Variants in SIDT1 observed in about 807,000 individuals in gnomAD.
The protein encoded by SIDT1 is SID1 transmembrane family, member 1.
A neutral mutation model predicts 107.5 loss-of-function variants in SIDT1; 101 were observed. That is an observed-to-expected ratio of 0.94 (90% CI 0.80 to 1.11). The LOEUF (loss-of-function observed/expected upper bound fraction) is 1.11, where lower values mean the gene tolerates loss of function less well. Ranked by LOEUF, SIDT1 falls within the 50% of genes least tolerant of loss-of-function variation. The probability of loss-of-function intolerance (pLI) is 0.00; values close to 1 mark genes in which losing one functional copy is unlikely to be tolerated. For synonymous variants in SIDT1, 395 were observed against 398.2 expected (o/e 0.99, Z 0.10); for missense variants, 1,076 against 1,058.2 (o/e 1.02, Z -0.23).
At chr3:113,577,057 C>G in intron 4 of SIDT1, 90 bp downstream of exon 4, 4 of 1,246,174 alleles carry the variant, frequency 3.2e-6, no homozygotes, top group Non-Finnish European at 4.7e-6. Context: ...GTAGAGTTAG[C>G]GTGTGGTGTT....
chr3:113,623,461 T>A lies in SIDT1; in HGVS notation c.2125T>A (p.Phe709Ile), dbSNP rs762485929. ...TGGATTGATATACCGCCCCAGGGAC[T>A]TTGCTTCCTACATGCTGGGCATCTT... ...LFGLIYRPRD[F>I]ASYMLGIFIC... Residue 709 changes from phenylalanine (F) to isoleucine (I), a missense_variant, in exon 22 of 25, where the codon TTT (phenylalanine) becomes ATT (isoleucine). Phe to Ile is a conservative substitution (Grantham distance 21, BLOSUM62 0). Transcript: ENST00000264852. 3.7e-6 allele frequency: 6 copies of A among 1,614,130 alleles called. No individual in the cohort carries two copies. Among genetic ancestry groups the A allele is most frequent in the Non-Finnish European group, 5.1e-6 (6 of 1,179,970 alleles).
chr3:113,595,105 T>C (rs1944445855), intron 10 of SIDT1, among the ~76,000 whole-genome samples: 1 of 152,218 alleles, frequency 6.6e-6, no homozygotes, highest in African/African-American at 2.4e-5. Context: ...ACTTTCAGAA[T>C]TAAGATTAGG....
At chr3:113,597,151 C>T (rs1944618248) in intron 10 of SIDT1, among the ~76,000 whole-genome samples, 1 of 152,100 alleles carries the variant, frequency 6.6e-6, no homozygotes, top group African/African-American at 2.4e-5. Flanking sequence ...TTTTCTTCAA[C>T]TATTGAAACA....
At chr3:113,594,873 G>T (rs1944427658) in intron 10 of SIDT1, 1 of 154,312 alleles carries the variant, frequency 6.5e-6, no homozygotes, top group African/African-American at 2.4e-5. Flanking sequence ...GAGTCCAGTG[G>T]CTCTGGTCCA....
intron 4 of SIDT1, among the ~76,000 whole-genome samples, chr3:113,580,068 T>C (rs1368585181): frequency 6.6e-6 from 1 of 152,236 alleles, no homozygotes; most frequent in Non-Finnish European, 1.5e-5. Flanking sequence ...AATCTCTGTA[T>C]GTTCTCACTA....
chr3:113,631,012 C>T (rs1406333078), downstream of SIDT1, among the ~76,000 whole-genome samples: 1 of 152,144 alleles, frequency 6.6e-6, no homozygotes, highest in Admixed American at 6.5e-5. Flanking sequence ...TCTTCTCATC[C>T]CTACCCCCAT....
downstream of SIDT1, among the ~76,000 whole-genome samples, chr3:113,630,424 A>G (rs565702530): frequency 6.6e-6 from 1 of 152,168 alleles, no homozygotes; most frequent in Non-Finnish European, 1.5e-5. Context: ...TGGGGAAGGG[A>G]CTTTCCATGA....
intron 2 of SIDT1, 23 bp downstream of exon 2, chr3:113,566,564 A>G: frequency 6.2e-7 from 1 of 1,609,380 alleles, no homozygotes; most frequent in African/African-American, 1.3e-5. Context: ...TCTTCCAGGC[A>G]ACTTCACTAT....
At chr3:113,607,216 C>A in intron 15 of SIDT1, 102 bp downstream of exon 15, 1 of 744,622 alleles carries the variant, frequency 1.3e-6, no homozygotes, top group South Asian at 1.8e-5. Flanking sequence ...CTGTGGAAAA[C>A]GACCCTATTC....
At chr3:113,625,135 CT>C (rs1236287623) in intron 23 of SIDT1, among the ~76,000 whole-genome samples, 6 of 106,814 alleles carry the variant, frequency 5.6e-5, no homozygotes, top group African/African-American at 1.9e-4. Context: ...TTCTTTCTTT[CT>C]TTTTTTTGGG....
Position 113,612,094 on chromosome 3 carries a change from A to G in SIDT1, c.1866A>G (p.Gly622=). 6.2e-7 allele frequency: 1 copy of G among 1,613,318 alleles called. No homozygotes were observed. Among genetic ancestry groups the G allele is most frequent in the African/African-American group, 1.3e-5 (1 of 75,024 alleles). ...TCCATCTTTACTCCTAGGTGTTTGG[A>G]AAAAATGACGTATGGTTCTGGGTCA... The part of the protein sequence containing the change: ...IMVTVLGVVF[G]KNDVWFWVIF... The change falls in exon 19 of 25, where the codon GGA becomes GGG. Residue 622 remains glycine, a synonymous_variant. Coordinates refer to ENST00000264852, the MANE Select transcript of SIDT1 (RefSeq NM_017699.3).
At chr3:113,635,843 C>CTGGCA in the SIDT1 span, among the ~76,000 whole-genome samples, 1 of 150,348 alleles carries the variant, frequency 6.7e-6, no homozygotes, top group Non-Finnish European at 1.5e-5. Flanking sequence ...CCACTGCACC[C>CTGGCA]CAGCCTGGCA....
At chr3:113,614,794 A>G (rs1400698306) in intron 19 of SIDT1, among the ~76,000 whole-genome samples, 2 of 152,214 alleles carry the variant, frequency 1.3e-5, no homozygotes, top group African/African-American at 4.8e-5. Context: ...AGGCTGGATT[A>G]TAAATTGCAA....
At chr3:113,544,292 G>A (rs1208745110) in intron 1 of SIDT1, among the ~76,000 whole-genome samples, 4 of 152,074 alleles carry the variant, frequency 2.6e-5, no homozygotes. Flanking sequence ...CCAGGTTCAA[G>A]CTAGTCCCCT....
the SIDT1 span, among the ~76,000 whole-genome samples, chr3:113,635,728 G>C: frequency 6.6e-6 from 1 of 151,854 alleles, no homozygotes; most frequent in South Asian, 2.1e-4. Context: ...TTAGCCAGGC[G>C]TGGTGGCAGG....
intron 1 of SIDT1, among the ~76,000 whole-genome samples, chr3:113,535,752 C>A (rs1320212994): frequency 6.6e-6 from 1 of 152,174 alleles, no homozygotes; most frequent in African/African-American, 2.4e-5. Context: ...AATCTTACAG[C>A]CTTCTGGGAC....
chr3:113,584,960 A>G (rs1943633176), intron 8 of SIDT1, among the ~76,000 whole-genome samples, 191 bp downstream of exon 8: 1 of 152,156 alleles, frequency 6.6e-6, no homozygotes, highest in Non-Finnish European at 1.5e-5. Flanking sequence ...CTCAATCGTG[A>G]AGTCCCTTCC....
At chr3:113,608,367 G>A in intron 16 of SIDT1, 52 bp from the exon 17 acceptor site, 1 of 1,520,962 alleles carries the variant, frequency 6.6e-7, no homozygotes, top group Non-Finnish European at 9.1e-7. Flanking sequence ...TTAGTGACTT[G>A]GTGGATATGG....
rs369193536 is a variant in SIDT1 at position 113,603,097 on chromosome 3, G to A, written c.1210G>A (p.Asp404Asn). ...CACAGACAGCTCCGTGGAGGAGAGC[G>A]ACTTCGACACCATGCCAGACATTGA... ...SDTDSSVEES[D>N]FDTMPDIESD... Residue 404 changes from aspartate to asparagine, a missense_variant, in exon 12 of 25, where the codon GAC becomes AAC. Physicochemically the swap from Asp to Asn is conservative, Grantham distance 23. Transcript: ENST00000264852. 1.7e-5 allele frequency: 28 copies of A among 1,613,962 alleles called. 1 individual carries two copies. Among genetic ancestry groups the A allele is most frequent in the South Asian group, 1.2e-4 (11 of 91,068 alleles).
Sources: gnomAD v4.1 joint callset for allele counts (sites outside exome capture counted in the v4.1 genomes callset) on GRCh38, gnomAD v4.1.1 for gene constraint, MANE v1.5 for transcripts, NCBI Gene and HGNC (gene_info 2026-07-23, HGNC 2026-07-21) for gene names.